KIF18A: variants seen among roughly 807,000 people sequenced by gnomAD.
KIF18A encodes the protein kinesin family member 18A, also known as kinesin-like protein KIF18A.
KIF18A carries 67 observed loss-of-function variants against 103.3 expected under a neutral mutation model. That is an observed-to-expected ratio of 0.65 (90% CI 0.53 to 0.79). The LOEUF (loss-of-function observed/expected upper bound fraction) is 0.79, where lower values mean the gene tolerates loss of function less well. Among genes scored for constraint, KIF18A ranks in the 30% least tolerant of loss-of-function variants. The pLI, the probability that KIF18A is intolerant of heterozygous loss-of-function variation, is 0.00. For missense variants in KIF18A, 1,032 were observed against 1,062.5 expected, an observed-to-expected ratio of 0.97 and a Z score of 0.40; for synonymous variants, 367 against 355.5, an observed-to-expected ratio of 1.03 and a Z score of -0.36.
intron 13 of KIF18A, among the ~76,000 whole-genome samples, chr11:28,038,679 C>G (rs1850523508): frequency 6.6e-6 from 1 of 151,602 alleles, no homozygotes. Flanking sequence ...TGACAATATG[C>G]TCTGCTTTGG....
At chr11:28,072,295 G>A (rs1052716202) in intron 10 of KIF18A, among the ~76,000 whole-genome samples, 1 of 151,950 alleles carries the variant, frequency 6.6e-6, no homozygotes, top group African/African-American at 2.4e-5. Flanking sequence ...TGCTAATATG[G>A]TAAATTCATA....
intron 16 of KIF18A, among the ~76,000 whole-genome samples, 197 bp downstream of exon 16, chr11:28,023,544 T>C (rs1203391881): frequency 6.6e-6 from 1 of 152,174 alleles, no homozygotes; most frequent in African/African-American, 2.4e-5. Flanking sequence ...ATATAATATC[T>C]GTGTGATCTT....
chr11:28,087,918 G>T (rs1275715655), intron 6 of KIF18A, among the ~76,000 whole-genome samples: 2 of 151,992 alleles, frequency 1.3e-5, no homozygotes, highest in African/African-American at 4.8e-5. Context: ...TAATTTTTTT[G>T]AAAGGATGTC....
intron 4 of KIF18A, among the ~76,000 whole-genome samples, chr11:28,091,159 T>A (rs1175959553): frequency 6.6e-6 from 1 of 151,738 alleles, no homozygotes; most frequent in African/African-American, 2.4e-5. Context: ...AATACATACA[T>A]ACATACATAC....
intron 2 of KIF18A, 27 bp from the exon 3 acceptor site, chr11:28,094,827 C>T: frequency 1.2e-6 from 2 of 1,606,930 alleles, no homozygotes; most frequent in Non-Finnish European, 1.7e-6. Flanking sequence ...GGGATCAAAA[C>T]TCTTTGTTAT....
chr11:28,097,973 T>C lies in KIF18A; in HGVS notation c.-26A>G, dbSNP rs1181493456. The C allele has an allele frequency of 2.7e-6, 4 of 1,457,060 alleles. No homozygotes were observed. The highest frequency in any genetic ancestry group is 2.3e-5 in the East Asian group (1 of 43,526). The allele number at this position is 1,457,060 out of a possible 1,614,324, so 90.3% of individuals were successfully genotyped here. On this transcript the variant is annotated 5_prime_UTR_variant, in exon 2 of 17. The change creates a new upstream start codon in the 5' untranslated region. Transcript: ENST00000263181. The stretch of plus-strand genomic sequence containing the variant: ...TGTTGATTATCTTGATTCCTATCTG[T>C]ATAAATACTTGAATACTTCTCTGAA...
chr11:28,070,765 G>A (rs1321165880), intron 10 of KIF18A, among the ~76,000 whole-genome samples: 1 of 152,242 alleles, frequency 6.6e-6, no homozygotes, highest in African/African-American at 2.4e-5. Flanking sequence ...ATGCAGGCTG[G>A]GATGGTGGCT....
intron 13 of KIF18A, among the ~76,000 whole-genome samples, chr11:28,047,906 T>C (rs1238777385): frequency 6.6e-6 from 1 of 152,012 alleles, no homozygotes; most frequent in African/African-American, 2.4e-5. Context: ...AAACCAACCA[T>C]GAATAAGAGA....
intron 13 of KIF18A, chr11:28,056,865 A>ATG: frequency 7.2e-6 from 2 of 277,386 alleles, no homozygotes; most frequent in South Asian, 3.5e-5. Flanking sequence ...TTTGAGCCAA[A>ATG]TGTCCCAGCA....
At chr11:28,053,097 T>C (rs983043849) in intron 13 of KIF18A, among the ~76,000 whole-genome samples, 1 of 151,364 alleles carries the variant, frequency 6.6e-6, no homozygotes, top group African/African-American at 2.4e-5. Context: ...GGAGAGAGTG[T>C]CCAAGATTAA....
At chr11:28,079,805 T>C (rs919309455) in intron 9 of KIF18A, among the ~76,000 whole-genome samples, 5 of 152,068 alleles carry the variant, frequency 3.3e-5, no homozygotes, top group Non-Finnish European at 5.9e-5. Context: ...CTTATTGTCC[T>C]CCTAGAAGTA....
At chr11:28,098,709 T>C (rs1234756607) in intron 1 of KIF18A, among the ~76,000 whole-genome samples, 2 of 152,166 alleles carry the variant, frequency 1.3e-5, no homozygotes, top group African/African-American at 2.4e-5. Context: ...GAATCAATGA[T>C]AGCAGGTTTA....
intron 6 of KIF18A, among the ~76,000 whole-genome samples, chr11:28,086,121 G>A (rs1851225968): frequency 6.6e-6 from 1 of 151,990 alleles, no homozygotes; most frequent in Admixed American, 6.6e-5. Context: ...AACAAAATCT[G>A]TATCATCTTA....
chr11:28,103,180 T>TC (rs1193016041), intron 1 of KIF18A, among the ~76,000 whole-genome samples: 4 of 152,124 alleles, frequency 2.6e-5, no homozygotes, highest in South Asian at 2.1e-4. Context: ...TTCATTATAA[T>TC]CAGGTTGAGC....
At chr11:28,086,141 C>T (rs889745045) in intron 6 of KIF18A, among the ~76,000 whole-genome samples, 1 of 152,076 alleles carries the variant, frequency 6.6e-6, no homozygotes, top group East Asian at 1.9e-4. Flanking sequence ...AGTAACTTTT[C>T]TGTAAATCTA....
chr11:28,091,398 T>C lies in KIF18A; in HGVS notation c.588+11A>G. On this transcript the variant is annotated intron_variant, in intron 4 of 16. Coordinates refer to ENST00000263181, the MANE Select transcript of KIF18A (RefSeq NM_031217.4). Reference sequence around the variant, plus strand: ...CTATTCTAACAGGGAAAAAGATGTTTATATACATACCTGGTGTAAAGTAAG... The same window carrying C: ...CTATTCTAACAGGGAAAAAGATGTTCATATACATACCTGGTGTAAAGTAAG... 7.0e-7 allele frequency: 1 copy of C among 1,424,184 alleles called. No individual in the cohort carries two copies. The highest frequency in any genetic ancestry group is 1.7e-5 in the Admixed American group (1 of 57,328). The allele number at this position is 1,424,184 out of a possible 1,614,324, so 88.2% of individuals were successfully genotyped here.
intron 15 of KIF18A, among the ~76,000 whole-genome samples, chr11:28,026,907 T>C (rs1333551250): frequency 1.3e-5 from 2 of 151,826 alleles, no homozygotes; most frequent in Admixed American, 1.3e-4. Flanking sequence ...ACCAGAATAA[T>C]TGTACAAATC....
intron 5 of KIF18A, among the ~76,000 whole-genome samples, chr11:28,089,989 T>C (rs1182403823): frequency 1.3e-5 from 2 of 152,198 alleles, no homozygotes; most frequent in Non-Finnish European, 1.5e-5. Context: ...AGGGACTATA[T>C]GAATGGTTTG....
At position 28,083,134 on chromosome 11, in the gene KIF18A, G is replaced by A. The variant is rs1443335091; in HGVS notation, c.1149+35C>T. On this transcript the variant is annotated intron_variant, in intron 8 of 16. Transcript: ENST00000263181. ...TATAAAATTCTATAAATGAAGAACT[G>A]CGCAAGACTAGCATAAAAATATAAA... is the stretch of plus-strand genomic sequence containing the variant. The A allele has an allele frequency of 3.2e-6, 5 of 1,569,726 alleles. No homozygotes were observed. In the South Asian group the frequency reaches 4.9e-5, roughly 15 times the overall value.
Sources: allele counts gnomAD v4.1 joint callset (sites outside exome capture counted in the v4.1 genomes callset), GRCh38; gene constraint gnomAD v4.1.1; transcripts MANE v1.5; gene names NCBI Gene and HGNC (gene_info 2026-07-23, HGNC 2026-07-21).